The following TMEM232 variants were observed in gnomAD, a reference collection of about 807,000 sequenced individuals.
The protein encoded by TMEM232 is transmembrane protein 232.
Under a neutral mutation model 78.8 loss-of-function variants are expected in TMEM232, and 80 were observed. The observed-to-expected ratio is 1.01, with a 90% confidence interval of 0.85 to 1.22. The LOEUF (loss-of-function observed/expected upper bound fraction) is 1.22. Ranked by LOEUF, TMEM232 falls within the 50% of genes most tolerant of loss-of-function variation. The pLI is 0.00. For missense variants in TMEM232, 881 were observed against 742.2 expected, an observed-to-expected ratio of 1.19 and a Z score of -2.17; for synonymous variants, 297 against 254.3, an observed-to-expected ratio of 1.17 and a Z score of -1.60.
At chr5:110,681,417 C>T (rs192056473) in intron 1 of TMEM232, among the ~76,000 whole-genome samples, 1 of 152,272 alleles carries the variant, frequency 6.6e-6, no homozygotes, top group African/African-American at 2.4e-5. Flanking sequence ...GCACTCCCTA[C>T]CTGTTCAAGT....
intron 2 of TMEM232, among the ~76,000 whole-genome samples, chr5:110,661,601 T>A (rs150283726): frequency 0.012 from 1,786 of 152,264 alleles, 46 homozygotes; most frequent in African/African-American, 0.04. Flanking sequence ...TGCCCAGCAC[T>A]CCACCATGCC....
intron 12 of TMEM232, among the ~76,000 whole-genome samples, chr5:110,435,946 T>A (rs923986499): frequency 2.0e-5 from 3 of 151,968 alleles, no homozygotes; most frequent in South Asian, 2.1e-4. Flanking sequence ...CTTCTATATA[T>A]GGATTTCCTA....
Position 110,624,894 on chromosome 5 carries a change from GT to G in TMEM232, c.768+372del, listed in dbSNP as rs199632297. Among the ~76,000 whole-genome samples the G allele has an allele frequency of 1.0e-2, 1,518 of 151,912 alleles. 33 individuals carry two copies. Among genetic ancestry groups the G allele is most frequent in the African/African-American group, 0.034 (1,417 of 41,468 alleles). On this transcript the variant is annotated intron_variant, in intron 7 of 13. Coordinates refer to ENST00000455884, the MANE Select transcript of TMEM232 (RefSeq NM_001039763.4). ...ACGTATTTTTCCTTTTTTAGAAGTT[GT>G]TAAGAAAAACAAATTTTCTATTTAT...
At chr5:110,464,388 G>A (rs1043311086) in intron 12 of TMEM232, among the ~76,000 whole-genome samples, 1 of 152,150 alleles carries the variant, frequency 6.6e-6, no homozygotes, top group African/African-American at 2.4e-5. Context: ...GGCAGAACAA[G>A]GGAAAAAGCT....
At chr5:110,690,982 G>T (rs1794050090) in intron 1 of TMEM232, among the ~76,000 whole-genome samples, 1 of 151,954 alleles carries the variant, frequency 6.6e-6, no homozygotes, top group Non-Finnish European at 1.5e-5. Context: ...TGGGGGTGTG[G>T]GGGTAGGGGA....
chr5:110,544,277 T>C (rs1399738841), intron 11 of TMEM232, among the ~76,000 whole-genome samples: 2 of 152,116 alleles, frequency 1.3e-5, no homozygotes, highest in Non-Finnish European at 2.9e-5. Context: ...GTAGTATTCT[T>C]GAAGACTATT....
At position 110,709,464 on chromosome 5, in the gene TMEM232, G is replaced by C. The variant is rs114324511; in HGVS notation, c.-13+17163C>G. 6.2e-3 allele frequency among the ~76,000 whole-genome samples: 945 copies of C among 152,058 alleles called. 7 individuals are homozygous for C. The highest frequency in any genetic ancestry group is 0.024 in the Middle Eastern group (7 of 294). On this transcript the variant is annotated intron_variant, in intron 1 of 13. Transcript: ENST00000455884. ...TCTTCAGCACATGGATCATTCTCTA[G>C]AATAGACCATATGTTAGGTCACAGA...
intron 7 of TMEM232, among the ~76,000 whole-genome samples, chr5:110,623,068 T>G (rs1465089587): frequency 1.3e-5 from 2 of 151,942 alleles, no homozygotes; most frequent in African/African-American, 4.8e-5. Flanking sequence ...AGTGGAAAAC[T>G]CAATCCAGCG....
chr5:110,571,753 G>C (rs985977856), intron 10 of TMEM232, among the ~76,000 whole-genome samples: 1 of 151,680 alleles, frequency 6.6e-6, no homozygotes, highest in East Asian at 1.9e-4. Context: ...AGGTACTCAG[G>C]AGGCTGTGTT....
Position 110,436,791 on chromosome 5 carries a change from C to T in TMEM232, c.1704-11875G>A, listed in dbSNP as rs1406395944. The stretch of plus-strand genomic sequence containing the variant: ...AGCTATGTGGATTTGTTTCTGGGCT[C>T]TCTACTCTGTTCCATTGGTCTGTTT... On this transcript the variant is annotated intron_variant, in intron 12 of 13. Transcript: ENST00000455884. 7.9e-5 allele frequency among the ~76,000 whole-genome samples: 12 copies of T among 152,068 alleles called. No homozygotes were observed. In the South Asian group the frequency reaches 2.3e-3, roughly 29 times the overall value.
At chr5:110,703,324 G>T (rs1795617453) in intron 1 of TMEM232, among the ~76,000 whole-genome samples, 1 of 151,990 alleles carries the variant, frequency 6.6e-6, no homozygotes, top group Non-Finnish European at 1.5e-5. Flanking sequence ...TTTGCTGATG[G>T]GATTTCAGTT....
At position 110,736,478 on chromosome 5, in the gene TMEM232, G is replaced by GT. The variant is rs769114757; in HGVS notation, c.-125-1464dup. 2.0e-5 allele frequency among the ~76,000 whole-genome samples: 3 copies of GT among 152,160 alleles called. No homozygotes were observed. In the East Asian group the frequency reaches 5.8e-4, roughly 29 times the overall value. ...TCATTTTAGCACATTCTTCTATTGT[G>GT]TATCTTTAGTAGAATTTTTAAAAGG... is the stretch of plus-strand genomic sequence containing the variant. On this transcript the variant is annotated intron_variant, in intron 1 of 4. Coordinates refer to the TMEM232 transcript ENST00000512886.
chr5:110,520,091 C>T (rs1485400720), intron 12 of TMEM232, among the ~76,000 whole-genome samples: 1 of 150,226 alleles, frequency 6.7e-6, no homozygotes, highest in African/African-American at 2.4e-5. Context: ...GGAGTAAGAT[C>T]TGATGTTCAG....
At chr5:110,395,182 G>A (rs1042728248) in intron 3 of TMEM232, among the ~76,000 whole-genome samples, 1 of 152,050 alleles carries the variant, frequency 6.6e-6, no homozygotes, top group East Asian at 1.9e-4. Context: ...ATCAGATTTT[G>A]TTGCTCTCTT....
intron 1 of TMEM232, among the ~76,000 whole-genome samples, chr5:110,716,548 T>G (rs1797034299): frequency 6.6e-6 from 1 of 152,032 alleles, no homozygotes; most frequent in Non-Finnish European, 1.5e-5. Flanking sequence ...ACAATAGAGT[T>G]TGCACTCCTA....
At chr5:110,596,151 A>C (rs1780134798) in intron 10 of TMEM232, among the ~76,000 whole-genome samples, 1 of 152,138 alleles carries the variant, frequency 6.6e-6, no homozygotes, top group South Asian at 2.1e-4. Context: ...ATAAGCATCA[A>C]ATAGACACAA....
chr5:110,483,795 T>C (rs1446939410), intron 12 of TMEM232, among the ~76,000 whole-genome samples: 1 of 152,066 alleles, frequency 6.6e-6, no homozygotes, highest in Non-Finnish European at 1.5e-5. Flanking sequence ...ACCCAGCAAT[T>C]TCATTACTGG....
intron 1 of TMEM232, among the ~76,000 whole-genome samples, chr5:110,677,240 A>G (rs968305168): frequency 6.7e-6 from 1 of 150,372 alleles, no homozygotes; most frequent in African/African-American, 2.5e-5. Flanking sequence ...TTAATTGTCT[A>G]ATTTTTTTTT....
chr5:110,688,805 C>T (rs1175975552), intron 1 of TMEM232, among the ~76,000 whole-genome samples: 1 of 152,120 alleles, frequency 6.6e-6, no homozygotes, highest in Non-Finnish European at 1.5e-5. Flanking sequence ...AATAAGATGG[C>T]TATACAATGA....
Sources: gnomAD v4.1 joint callset for allele counts (sites outside exome capture counted in the v4.1 genomes callset) on GRCh38, gnomAD v4.1.1 for gene constraint, MANE v1.5 for transcripts, NCBI Gene and HGNC (gene_info 2026-07-23, HGNC 2026-07-21) for gene names.